CYP4F12: variants seen among roughly 807,000 people sequenced by gnomAD.
CYP4F12 encodes cytochrome P450 4F12.
In CYP4F12, 60 loss-of-function variants were observed where a neutral mutation model predicts 56.5. The observed-to-expected ratio is 1.06, with a 90% CI of 0.86 to 1.32. The LOEUF (loss-of-function observed/expected upper bound fraction) is 1.32, where lower values mean the gene tolerates loss of function less well. Ranked by LOEUF, CYP4F12 falls within the 40% of genes most tolerant of loss-of-function variation. CYP4F12 has a pLI of 0.00. For missense variants in CYP4F12, 711 were observed against 683.5 expected, an observed-to-expected ratio of 1.04 and a Z score of -0.45; for synonymous variants, 263 against 264.9, an observed-to-expected ratio of 0.99 and a Z score of 0.07.
intron 11 of CYP4F12, 56 bp downstream of exon 11, chr19:15,696,281 T>C: frequency 1.2e-6 from 2 of 1,612,640 alleles, no homozygotes; most frequent in Admixed American, 1.7e-5. Context: ...TGTGTGTGTG[T>C]GTGTGAATTC....
intron 8 of CYP4F12, 92 bp from the exon 9 acceptor site, chr19:15,684,976 C>T: frequency 1.3e-6 from 2 of 1,568,788 alleles, no homozygotes; most frequent in Non-Finnish European, 1.7e-6. Context: ...TTCTGCCCAT[C>T]TTCCCCCTCC....
At chr19:15,695,366 G>A (rs1320897720) in intron 9 of CYP4F12, among the ~76,000 whole-genome samples, 1 of 122,400 alleles carries the variant, frequency 8.2e-6, no homozygotes, top group Non-Finnish European at 1.7e-5. Flanking sequence ...GGTGGGGGGA[G>A]GGGGAAGGGA....
rs1417414974 is a variant in CYP4F12 at position 15,673,438 on chromosome 19, C to A, written c.-1-91C>A. 1.1e-5 allele frequency: 16 copies of A among 1,423,072 alleles called. 1 individual carries two copies. The highest frequency in any genetic ancestry group is 1.4e-5 in the Non-Finnish European group (15 of 1,038,784). The allele number at this position is 1,423,072 out of a possible 1,614,324, so 88.2% of individuals were successfully genotyped here. The stretch of plus-strand genomic sequence containing the variant: ...ACCCCTGAGCCCTCCCTGCCCTGCC[C>A]CCAGCAGTTCCTGACTTCGCCCCTA... On this transcript the variant is annotated intron_variant, in intron 1 of 12. Coordinates refer to ENST00000550308, the MANE Select transcript of CYP4F12 (RefSeq NM_023944.4).
chr19:15,684,549 G>T (rs138470222), intron 7 of CYP4F12: 1 of 418,626 alleles, frequency 2.4e-6, no homozygotes, highest in East Asian at 3.8e-5. Flanking sequence ...GTATTATGCA[G>T]AAAAATGAAA....
At position 15,696,212 on chromosome 19, in the gene CYP4F12, G is replaced by T; in HGVS notation, c.1301G>T (p.Trp434Leu). 3.1e-6 allele frequency: 5 copies of T among 1,614,058 alleles called. No homozygotes were observed. Among genetic ancestry groups the T allele is most frequent in the Non-Finnish European group, 3.4e-6 (4 of 1,180,000 alleles). ...IIGVHHNPTV[W>L]PDPEVYDPFR... ...GGGGTCCATCACAACCCAACTGTGT[G>T]GCCGGATCCTGAGGTGCTGCCTTCC... Residue 434 changes from tryptophan (W) to leucine (L), a missense_variant, in exon 11 of 13, where the codon TGG becomes TTG. Coordinates refer to ENST00000550308, the MANE Select transcript of CYP4F12 (RefSeq NM_023944.4).
chr19:15,694,165 G>A (rs549805696), intron 9 of CYP4F12, among the ~76,000 whole-genome samples: 15 of 151,088 alleles, frequency 9.9e-5, no homozygotes, highest in Non-Finnish European at 1.6e-4. Context: ...TTGACTTGGC[G>A]ATGCGGGCTC....
chr19:15,693,528 T>C (rs923869723), intron 9 of CYP4F12, among the ~76,000 whole-genome samples: 3 of 29,756 alleles, frequency 1.0e-4, no homozygotes, highest in African/African-American at 4.0e-4. Context: ...CGCCCACTTT[T>C]TGATGGAGTT....
intron 9 of CYP4F12, among the ~76,000 whole-genome samples, chr19:15,690,459 A>G (rs985194460): frequency 6.6e-6 from 1 of 152,140 alleles, no homozygotes; most frequent in African/African-American, 2.4e-5. Flanking sequence ...GTACCCTTTG[A>G]CCAATGTCTT....
chr19:15,685,231 C>G, intron 9 of CYP4F12, 34 bp downstream of exon 9: 1 of 1,605,406 alleles, frequency 6.2e-7, no homozygotes. Flanking sequence ...GTTCCTGAGC[C>G]CATCATTGGT....
rs199512912 is a variant in CYP4F12 at position 15,678,349 on chromosome 19, T to C, written c.287T>C (p.Ile96Thr). 2 of 1,614,104 alleles carry C rather than the reference T, an allele frequency of 1.2e-6. No homozygotes were observed. The highest frequency in any genetic ancestry group is 1.7e-6 in the Non-Finnish European group (2 of 1,180,000). The change falls in exon 3 of 13, where the codon ATC (isoleucine) becomes ACC (threonine). Residue 96 changes from isoleucine to threonine, a missense_variant. Ile to Thr is a moderately conservative substitution (Grantham distance 89). Coordinates refer to ENST00000550308, the MANE Select transcript of CYP4F12 (RefSeq NM_023944.4). The stretch of plus-strand genomic sequence containing the variant: ...TTTACGGTATGGCTGGGTCCCATCA[T>C]CCCCTTCATCGTTTTATGCCACCCT... Reference protein sequence around the residue: ...QGFTVWLGPIIPFIVLCHPDT... With the variant: ...QGFTVWLGPITPFIVLCHPDT...
At position 15,696,587 on chromosome 19, in the gene CYP4F12, G is replaced by A. The variant is rs147287420; in HGVS notation, c.1397+75G>A. On this transcript the variant is annotated intron_variant, in intron 12 of 12. Transcript: ENST00000550308. ...TTAAAAAAAGGGGGACGTTGCAGAT[G>A]GTCCCAGTTCCAGCTCTCCTTCCCT... is the stretch of plus-strand genomic sequence containing the variant. The A allele has an allele frequency of 1.8e-3, 2,617 of 1,489,872 alleles. 62 individuals are homozygous for A. The Admixed American group carries it at 0.04, about 23-fold the overall frequency. The allele number at this position is 1,489,872 out of a possible 1,614,324, so 92.3% of individuals were successfully genotyped here.
At chr19:15,684,460 T>C (rs145829303) in intron 7 of CYP4F12, 93 of 230,154 alleles carry the variant, frequency 4.0e-4, no homozygotes, top group African/African-American at 1.4e-3. Context: ...GAGCAATACA[T>C]AATTTCTAAC....
intron 3 of CYP4F12, 124 bp downstream of exon 3, chr19:15,678,529 CT>C: frequency 7.7e-7 from 1 of 1,298,742 alleles, no homozygotes; most frequent in Non-Finnish European, 1.1e-6. Flanking sequence ...TGTCTTCTCC[CT>C]CCATTGCCAT....
At chr19:15,683,148 G>T (rs2007403716) in intron 6 of CYP4F12, among the ~76,000 whole-genome samples, 1 of 152,124 alleles carries the variant, frequency 6.6e-6, no homozygotes, top group Non-Finnish European at 1.5e-5. Context: ...GCTGGAGCAG[G>T]GCTGAACTGG....
Position 15,695,925 on chromosome 19 carries a change from T to C in CYP4F12, c.1116-11T>C. ...CCCTTGATAATGACTGGGGCTGGGG[T>C]GTTTCCTTAGGGACGACCTGGCCCA... is the stretch of plus-strand genomic sequence containing the variant. On this transcript the variant is annotated splice_polypyrimidine_tract_variant and intron_variant, in intron 9 of 12. Coordinates refer to ENST00000550308, the MANE Select transcript of CYP4F12 (RefSeq NM_023944.4). The C allele has an allele frequency of 6.2e-7, 1 of 1,609,386 alleles. No homozygotes were observed.
intron 12 of CYP4F12, 149 bp from the exon 13 acceptor site, chr19:15,696,759 C>T (rs1404939303): frequency 8.6e-7 from 1 of 1,163,510 alleles, no homozygotes; most frequent in East Asian, 2.6e-5. Flanking sequence ...GACATACAAG[C>T]CCACATGGGA....
intron 12 of CYP4F12, 80 bp from the exon 13 acceptor site, chr19:15,696,828 G>A (rs2008164739): frequency 6.7e-7 from 1 of 1,493,350 alleles, no homozygotes; most frequent in African/African-American, 1.4e-5. Context: ...TGCAGTTGGG[G>A]GTCCCAGGCC....
At chr19:15,673,852 A>C (rs1342104750) in intron 2 of CYP4F12, 125 bp downstream of exon 2, 2 of 924,238 alleles carry the variant, frequency 2.2e-6, no homozygotes, top group Non-Finnish European at 3.2e-6. Flanking sequence ...GAAGCAAGAG[A>C]GATGGCTCAC....
Position 15,682,367 on chromosome 19 carries a change from C to T in CYP4F12, c.526-22C>T, listed in dbSNP as rs371076728. On this transcript the variant is annotated intron_variant, in intron 5 of 12. Coordinates refer to ENST00000550308, the MANE Select transcript of CYP4F12 (RefSeq NM_023944.4). ...CAAAGGAGGCAGGGCCCAGCTCTAG[C>T]TCTCTTCCCTTCTCTGGCCAGGACA... is the stretch of plus-strand genomic sequence containing the variant. 6.0e-5 allele frequency: 97 copies of T among 1,610,618 alleles called. 2 individuals are homozygous for T. Among genetic ancestry groups the T allele is most frequent in the Non-Finnish European group, 7.6e-5 (90 of 1,177,606 alleles).
Sources: allele counts gnomAD v4.1 joint callset (sites outside exome capture counted in the v4.1 genomes callset), GRCh38; gene constraint gnomAD v4.1.1; transcripts MANE v1.5; gene names NCBI Gene and HGNC (gene_info 2026-07-23, HGNC 2026-07-21).